STAM2: variants seen among roughly 807,000 people sequenced by gnomAD.
STAM2 encodes signal transducing adapter molecule 2.
STAM2 carries 51 observed loss-of-function variants against 65.6 expected under a neutral mutation model. That is an observed-to-expected ratio of 0.78 (90% CI 0.62 to 0.98). The LOEUF is 0.98. Among genes scored for constraint, STAM2 ranks in the 50% least tolerant of loss-of-function variants. STAM2 has a pLI of 0.00. For synonymous variants in STAM2, 198 were observed against 208.4 expected, an observed-to-expected ratio of 0.95 and a Z score of 0.43; for missense variants, 584 against 617.8, an observed-to-expected ratio of 0.95 and a Z score of 0.58.
At chr2:152,140,538 T>C (rs576226713) in intron 7 of STAM2, among the ~76,000 whole-genome samples, 35 of 152,338 alleles carry the variant, frequency 2.3e-4, no homozygotes, top group African/African-American at 8.4e-4. Context: ...AAAACTGCTA[T>C]TTCTACCATG....
chr2:152,148,314 G>C lies in STAM2; in HGVS notation c.126-14C>G. ...CAATCTTTCGCTCTAAAAAAAAAAA[G>C]AGAGAGAGAGACAGTTAAGTATTTA... is the stretch of plus-strand genomic sequence containing the variant. On this transcript the variant is annotated splice_polypyrimidine_tract_variant and intron_variant, in intron 2 of 13. Transcript: ENST00000263904. 1.6e-6 allele frequency: 2 copies of C among 1,232,294 alleles called. No homozygotes were observed. Among genetic ancestry groups the C allele is most frequent in the Non-Finnish European group, 2.3e-6 (2 of 861,472 alleles). The allele number at this position is 1,232,294 out of a possible 1,614,324, so 76.3% of individuals were successfully genotyped here. A position where few individuals can be genotyped will look rare whatever the true frequency, so the allele number is the denominator to read the frequency against.
intron 11 of STAM2, among the ~76,000 whole-genome samples, chr2:152,126,694 A>C (rs1688968881): frequency 6.8e-6 from 1 of 146,670 alleles, no homozygotes; most frequent in Admixed American, 7.1e-5. Context: ...AAAGGACCAG[A>C]GGCTACTTCC....
At chr2:152,153,073 CTG>C (rs1273383758) in intron 1 of STAM2, among the ~76,000 whole-genome samples, 1 of 152,048 alleles carries the variant, frequency 6.6e-6, no homozygotes, top group Admixed American at 6.6e-5. Context: ...TAAAGGTAAA[CTG>C]TTAAAAAGCA....
chr2:152,167,130 A>C (rs1405813493), intron 1 of STAM2, among the ~76,000 whole-genome samples: 4 of 152,246 alleles, frequency 2.6e-5, no homozygotes, highest in Non-Finnish European at 5.9e-5. Flanking sequence ...GATTAAACAC[A>C]GTTCTGAGCT....
intron 7 of STAM2, among the ~76,000 whole-genome samples, chr2:152,136,899 T>C (rs1378000289): frequency 4.7e-5 from 7 of 149,538 alleles, no homozygotes; most frequent in Admixed American, 2.0e-4. Context: ...TTTCTTTTTT[T>C]TTTTTTTTTT....
intron 1 of STAM2, among the ~76,000 whole-genome samples, chr2:152,160,197 G>A (rs1392424302): frequency 6.6e-6 from 1 of 152,000 alleles, no homozygotes; most frequent in East Asian, 1.9e-4. Context: ...CCCATCATCT[G>A]GGATGTGAGG....
At position 152,145,040 on chromosome 2, in the gene STAM2, T is replaced by A; in HGVS notation, c.448-83A>T. On this transcript the variant is annotated intron_variant, in intron 5 of 13. Coordinates refer to ENST00000263904, the MANE Select transcript of STAM2 (RefSeq NM_005843.6). Reference sequence around the variant, plus strand: ...ATAATTACTTGCAGATGGTAAATTTTAAAAAATACTGATATAACTGAGTTT... The same window carrying A: ...ATAATTACTTGCAGATGGTAAATTTAAAAAAATACTGATATAACTGAGTTT... 3 of 1,027,350 alleles carry A rather than the reference T, an allele frequency of 2.9e-6. 1 individual carries two copies. The highest frequency in any genetic ancestry group is 4.6e-6 in the Non-Finnish European group (3 of 654,320). 63.6% of individuals were successfully genotyped at this position (1,027,350 alleles called of 1,614,324 possible).
At chr2:152,129,435 G>GCC (rs1009131349) in intron 11 of STAM2, among the ~76,000 whole-genome samples, 3 of 152,170 alleles carry the variant, frequency 2.0e-5, no homozygotes, top group Non-Finnish European at 4.4e-5. Flanking sequence ...ATAGGTGTGA[G>GCC]CCCCCACACT....
intron 1 of STAM2, among the ~76,000 whole-genome samples, chr2:152,172,341 C>G (rs1689910685): frequency 6.6e-6 from 1 of 152,072 alleles, no homozygotes; most frequent in South Asian, 2.1e-4. Context: ...TTTGACAAGT[C>G]ACATATCATC....
intron 11 of STAM2, among the ~76,000 whole-genome samples, chr2:152,127,074 G>C (rs983769621): frequency 2.6e-5 from 4 of 152,136 alleles, no homozygotes; most frequent in Non-Finnish European, 4.4e-5. Flanking sequence ...ACTTCTAGGG[G>C]GTACTTGGAC....
intron 1 of STAM2, among the ~76,000 whole-genome samples, chr2:152,155,423 A>G (rs992694547): frequency 6.6e-6 from 1 of 152,236 alleles, no homozygotes; most frequent in African/African-American, 2.4e-5. Context: ...CGGGCTACAT[A>G]GGATCAAACT....
intron 1 of STAM2, among the ~76,000 whole-genome samples, chr2:152,160,972 C>T (rs547314557): frequency 4.6e-5 from 7 of 152,122 alleles, no homozygotes; most frequent in Admixed American, 2.6e-4. Flanking sequence ...CCCCTCTGCC[C>T]GGCCACCACC....
intron 1 of STAM2, among the ~76,000 whole-genome samples, chr2:152,173,215 A>T (rs1354708994): frequency 1.3e-5 from 2 of 151,550 alleles, no homozygotes; most frequent in Non-Finnish European, 2.9e-5. Flanking sequence ...ATGACCAAAA[A>T]AAAAAAAGGG....
intron 1 of STAM2, among the ~76,000 whole-genome samples, chr2:152,151,700 CT>C (rs1013843446): frequency 4.6e-5 from 7 of 152,178 alleles, no homozygotes; most frequent in African/African-American, 1.7e-4. Context: ...TACGCAACCA[CT>C]TGTCTACTTT....
Position 152,120,079 on chromosome 2 carries a change from AT to A in STAM2, c.*494del, listed in dbSNP as rs1688821490. 1 of 153,400 alleles carries A rather than the reference AT, an allele frequency of 6.5e-6. No individual in the cohort carries two copies. The highest frequency in any genetic ancestry group is 1.5e-5 in the Non-Finnish European group (1 of 68,628). The allele number at this position is 153,400 out of a possible 1,614,324, so 9.5% of individuals were successfully genotyped here. A position where few individuals can be genotyped will look rare whatever the true frequency, so the allele number is the denominator to read the frequency against. On this transcript the variant is annotated 3_prime_UTR_variant, in exon 14 of 14. Coordinates refer to ENST00000263904, the MANE Select transcript of STAM2 (RefSeq NM_005843.6). The stretch of plus-strand genomic sequence containing the variant: ...AAGTGTGTGAGAAACTCTGAAAAAA[AT>A]ATTTCAAGTTCTTCAGTGCTCTTAT...
At chr2:152,120,849 A>T in intron 13 of STAM2, 47 bp from the exon 14 acceptor site, 1 of 1,456,836 alleles carries the variant, frequency 6.9e-7, no homozygotes, top group Non-Finnish European at 9.6e-7. Flanking sequence ...TTTGCAATAT[A>T]TAAGGTTAGA....
At chr2:152,121,557 G>A (rs1688853664) in intron 13 of STAM2, among the ~76,000 whole-genome samples, 1 of 152,078 alleles carries the variant, frequency 6.6e-6, no homozygotes, top group South Asian at 2.1e-4. Context: ...CATCCTTCAA[G>A]CTTTCCTTCA....
intron 13 of STAM2, among the ~76,000 whole-genome samples, chr2:152,121,804 G>C (rs1045774820): frequency 6.6e-6 from 1 of 151,992 alleles, no homozygotes. Flanking sequence ...TAGCACTTTG[G>C]GAGGCCGAGG....
chr2:152,134,993 C>T (rs79298070), intron 8 of STAM2, among the ~76,000 whole-genome samples: 5,412 of 152,268 alleles, frequency 0.036, 134 homozygotes, highest in Non-Finnish European at 0.055. Context: ...AAACAGGAAG[C>T]TTAGTGGCTT....
Sources: allele counts gnomAD v4.1 joint callset (sites outside exome capture counted in the v4.1 genomes callset), GRCh38; gene constraint gnomAD v4.1.1; transcripts MANE v1.5; gene names NCBI Gene and HGNC (gene_info 2026-07-23, HGNC 2026-07-21).